The following RBFOX1 variants were observed in gnomAD, a reference collection of about 807,000 sequenced individuals.
RBFOX1 encodes the protein RNA binding protein fox-1 homolog 1.
Under a neutral mutation model 57.7 loss-of-function variants are expected in RBFOX1, and 8 were observed. The observed-to-expected ratio is 0.14, with a 90% CI of 0.08 to 0.25. The LOEUF (loss-of-function observed/expected upper bound fraction) is 0.25. RBFOX1 is among the 10% of genes least tolerant of loss of function. RBFOX1 has a pLI of 1.00. For missense variants in RBFOX1, 611 were observed against 548.5 expected (o/e 1.11, Z -1.14); for synonymous variants, 326 against 222.4 (o/e 1.47, Z -4.15).
Position 6,219,988 on chromosome 16 carries a change from G to A in RBFOX1, c.-126-97007G>A, listed in dbSNP as rs571078730. Among the ~76,000 whole-genome samples, 18 of 152,228 alleles carry A rather than the reference G, an allele frequency of 1.2e-4. No homozygotes were observed. In the South Asian group the frequency reaches 2.7e-3, roughly 23 times the overall value. Reference sequence around the variant, plus strand: ...ATAAGTATTCAGTAAATAGGTGTCCGTGTGTGTGTATCATCCATCATCTAC... The same window carrying A: ...ATAAGTATTCAGTAAATAGGTGTCCATGTGTGTGTATCATCCATCATCTAC... On this transcript the variant is annotated intron_variant, in intron 1 of 15. Coordinates refer to ENST00000550418, the MANE Select transcript of RBFOX1 (RefSeq NM_018723.4).
intron 2 of RBFOX1, among the ~76,000 whole-genome samples, chr16:6,477,935 C>T (rs888262767): frequency 1.2e-4 from 18 of 152,162 alleles, no homozygotes; most frequent in African/African-American, 4.1e-4. Flanking sequence ...CATGAACCAA[C>T]CTCTGCTAGC....
At chr16:7,709,435 G>A (rs953395146) in intron 15 of RBFOX1, 5 of 1,346,336 alleles carry the variant, frequency 3.7e-6, no homozygotes, top group African/African-American at 1.5e-5. Context: ...AGAATGCAGT[G>A]TCAATGCAGA....
chr16:5,743,140 C>G (rs118134690), intron 3 of RBFOX1, among the ~76,000 whole-genome samples: 85 of 151,872 alleles, frequency 5.6e-4, no homozygotes, highest in Non-Finnish European at 8.8e-4. Flanking sequence ...TTGGAAAGAA[C>G]GAAAAAGGAG....
chr16:5,888,174 C>G (rs1157994199), intron 4 of RBFOX1, among the ~76,000 whole-genome samples: 3 of 152,162 alleles, frequency 2.0e-5, no homozygotes, highest in Non-Finnish European at 4.4e-5. Flanking sequence ...CCAGGTTCCT[C>G]CTGCCCCAGC....
intron 3 of RBFOX1, among the ~76,000 whole-genome samples, chr16:5,693,688 A>G (rs753596653): frequency 6.6e-6 from 1 of 152,130 alleles, no homozygotes; most frequent in Non-Finnish European, 1.5e-5. Context: ...AGTTAAATTA[A>G]ATAATCTTAA....
chr16:6,409,485 T>G (rs2093389203), intron 2 of RBFOX1, among the ~76,000 whole-genome samples: 1 of 152,298 alleles, frequency 6.6e-6, no homozygotes, highest in Middle Eastern at 3.4e-3. Flanking sequence ...TGTTTTCCAT[T>G]TGAAAGTTAA....
At chr16:6,723,227 C>T (rs576179578) in intron 3 of RBFOX1, among the ~76,000 whole-genome samples, 3 of 152,228 alleles carry the variant, frequency 2.0e-5, no homozygotes, top group African/African-American at 7.2e-5. Flanking sequence ...TGTGGCTTTC[C>T]CACTAATACT....
intron 6 of RBFOX1, among the ~76,000 whole-genome samples, chr16:7,586,100 T>C (rs2094108954): frequency 6.6e-6 from 1 of 152,172 alleles, no homozygotes; most frequent in South Asian, 2.1e-4. Context: ...GATGGAAATA[T>C]TTATGTTGCC....
At chr16:7,443,038 G>C (rs1388423692) in intron 4 of RBFOX1, among the ~76,000 whole-genome samples, 1 of 152,080 alleles carries the variant, frequency 6.6e-6, no homozygotes, top group East Asian at 1.9e-4. Flanking sequence ...TTTTTACTTT[G>C]GGCAGCCCCA....
At chr16:7,455,618 C>G (rs1165851230) in intron 4 of RBFOX1, among the ~76,000 whole-genome samples, 2 of 151,210 alleles carry the variant, frequency 1.3e-5, no homozygotes, top group Non-Finnish European at 2.9e-5. Context: ...GTGGTGAAAT[C>G]CCATCTCTAC....
chr16:5,631,632 C>A (rs74004438), intron 3 of RBFOX1, among the ~76,000 whole-genome samples: 3,510 of 152,168 alleles, frequency 0.023, 128 homozygotes, highest in African/African-American at 0.078. Context: ...ATTGCAGACT[C>A]CTTTGCCCTT....
chr16:7,030,634 C>G (rs1228517921), intron 3 of RBFOX1, among the ~76,000 whole-genome samples: 1 of 152,170 alleles, frequency 6.6e-6, no homozygotes, highest in Non-Finnish European at 1.5e-5. Flanking sequence ...CTAGGACCTA[C>G]TCTAATCTAC....
chr16:6,621,567 C>CT lies in RBFOX1; in HGVS notation c.-63-33030dup, dbSNP rs1029961167. Among the ~76,000 whole-genome samples the CT allele has an allele frequency of 2.3e-4, 35 of 152,272 alleles. 1 individual carries two copies. The highest frequency in any genetic ancestry group is 8.4e-4 in the African/African-American group (35 of 41,566). Reference sequence around the variant, plus strand: ...AGGCTTAATTACATCGGCAAAGCCCCTTTTTTCCAAATAAGGTCACATTCT... The same window carrying CT: ...AGGCTTAATTACATCGGCAAAGCCCCTTTTTTTCCAAATAAGGTCACATTCT... On this transcript the variant is annotated intron_variant, in intron 2 of 15. Coordinates refer to ENST00000550418, the MANE Select transcript of RBFOX1 (RefSeq NM_018723.4).
intron 1 of RBFOX1, among the ~76,000 whole-genome samples, chr16:6,173,440 CA>C (rs1177268425): frequency 6.6e-6 from 1 of 152,092 alleles, no homozygotes; most frequent in African/African-American, 2.4e-5. Context: ...GGAAAATTTA[CA>C]AACACACATG....
intron 2 of RBFOX1, among the ~76,000 whole-genome samples, chr16:5,577,529 A>G (rs1038580557): frequency 1.3e-5 from 2 of 152,184 alleles, no homozygotes; most frequent in African/African-American, 4.8e-5. Flanking sequence ...TGAATAATCT[A>G]TGTAGTCCCC....
At chr16:7,386,692 G>A (rs927238228) in intron 4 of RBFOX1, among the ~76,000 whole-genome samples, 2 of 152,078 alleles carry the variant, frequency 1.3e-5, no homozygotes, top group Admixed American at 6.6e-5. Flanking sequence ...AATCATACGT[G>A]TGCATGTATC....
chr16:6,182,919 T>C (rs933208704), intron 1 of RBFOX1, among the ~76,000 whole-genome samples: 8 of 152,336 alleles, frequency 5.3e-5, no homozygotes, highest in Admixed American at 3.9e-4. Context: ...TGTAATGCAG[T>C]ATTTCATTAA....
intron 4 of RBFOX1, among the ~76,000 whole-genome samples, chr16:7,199,753 G>A (rs976508509): frequency 6.6e-6 from 1 of 152,098 alleles, no homozygotes; most frequent in Non-Finnish European, 1.5e-5. Flanking sequence ...GATTAGCTGG[G>A]CATGGTGGCA....
At chr16:5,336,664 C>T (rs571313803) in intron 1 of RBFOX1, among the ~76,000 whole-genome samples, 1 of 152,074 alleles carries the variant, frequency 6.6e-6, no homozygotes, top group Non-Finnish European at 1.5e-5. Context: ...TAGTGATGAC[C>T]CATTCATGAA....
Sources: gnomAD v4.1 joint callset for allele counts (sites outside exome capture counted in the v4.1 genomes callset) on GRCh38, gnomAD v4.1.1 for gene constraint, MANE v1.5 for transcripts, NCBI Gene and HGNC (gene_info 2026-07-23, HGNC 2026-07-21) for gene names.